The following PRUNE2 variants were observed in gnomAD, a reference collection of about 807,000 sequenced individuals.
The protein encoded by PRUNE2 is prune homolog 2 with BCH domain.
A neutral mutation model predicts 252.0 loss-of-function variants in PRUNE2; 164 were observed. The observed-to-expected ratio is 0.65, with a 90% CI of 0.57 to 0.74. PRUNE2 has a LOEUF of 0.74. Among genes scored for constraint, PRUNE2 ranks in the 30% least tolerant of loss-of-function variants. PRUNE2 has a pLI of 0.00. For synonymous variants in PRUNE2, 1,292 were observed against 1,350.2 expected (o/e 0.96, Z 0.94); for missense variants, 3,495 against 3,711.0 (o/e 0.94, Z 1.51).
intron 1 of PRUNE2, among the ~76,000 whole-genome samples, chr9:76,873,607 C>T (rs1385693725): frequency 6.6e-6 from 1 of 152,130 alleles, no homozygotes; most frequent in Admixed American, 6.6e-5. Context: ...AGCGCGTCTT[C>T]CTCTCAAGCA....
intron 6 of PRUNE2, among the ~76,000 whole-genome samples, chr9:76,795,603 G>C (rs1392954352): frequency 6.6e-6 from 1 of 152,156 alleles, no homozygotes; most frequent in African/African-American, 2.4e-5. Flanking sequence ...CTGCCTTATG[G>C]TTTCTTGTAC....
intron 6 of PRUNE2, among the ~76,000 whole-genome samples, chr9:76,734,168 C>T (rs749110127): frequency 6.6e-6 from 1 of 152,034 alleles, no homozygotes; most frequent in Non-Finnish European, 1.5e-5. Context: ...GGAGGTTCCA[C>T]AGAAGATCTC....
intron 6 of PRUNE2, among the ~76,000 whole-genome samples, chr9:76,780,678 A>C (rs958832863): frequency 6.6e-6 from 1 of 152,126 alleles, no homozygotes; most frequent in Admixed American, 6.5e-5. Flanking sequence ...GCGACAGAGC[A>C]AGACTCCGTC....
intron 12 of PRUNE2, among the ~76,000 whole-genome samples, chr9:76,639,570 G>C (rs1412907243): frequency 6.6e-6 from 1 of 152,170 alleles, no homozygotes; most frequent in African/African-American, 2.4e-5. Flanking sequence ...TTAGAGTTCT[G>C]AGAAAATTAA....
At chr9:76,848,206 G>A (rs2059771428) in intron 3 of PRUNE2, among the ~76,000 whole-genome samples, 1 of 152,182 alleles carries the variant, frequency 6.6e-6, no homozygotes, top group Non-Finnish European at 1.5e-5. Flanking sequence ...GGAGGCTGCA[G>A]TGAGCTGAGA....
intron 6 of PRUNE2, among the ~76,000 whole-genome samples, chr9:76,745,676 A>C (rs771224212): frequency 6.6e-5 from 10 of 152,200 alleles, no homozygotes; most frequent in Non-Finnish European, 1.2e-4. Flanking sequence ...TTTGAGTAAC[A>C]GTAAAACTCT....
chr9:76,877,330 C>T (rs1221971736), intron 1 of PRUNE2, among the ~76,000 whole-genome samples: 1 of 152,044 alleles, frequency 6.6e-6, no homozygotes, highest in African/African-American at 2.4e-5. Flanking sequence ...CATGGCGAAA[C>T]CCCATCTCTA....
chr9:76,729,853 A>G (rs1356858635), intron 6 of PRUNE2, among the ~76,000 whole-genome samples: 1 of 152,144 alleles, frequency 6.6e-6, no homozygotes, highest in African/African-American at 2.4e-5. Context: ...TCCATTTCTA[A>G]TTTCAATTTC....
Position 76,708,110 on chromosome 9 carries a change from G to A in PRUNE2, c.4164C>T (p.Val1388=), listed in dbSNP as rs1433692698. The A allele has an allele frequency of 1.9e-6, 3 of 1,613,950 alleles. No individual in the cohort carries two copies. Among genetic ancestry groups the A allele is most frequent in the Non-Finnish European group, 2.5e-6 (3 of 1,179,880 alleles). The change falls in exon 8 of 19, where the codon GTC becomes GTT. Residue 1388 remains valine (V), a synonymous_variant. Transcript: ENST00000376718. ...IKSGKISSLA[V]TFSPQTEEPE... is the part of the protein sequence containing the mutation. ...GTTCCTCGGTTTGAGGACTGAAAGT[G>A]ACAGCAAGAGAGCTGATTTTGCCTG...
At chr9:76,661,692 T>C (rs565107830) in intron 9 of PRUNE2, among the ~76,000 whole-genome samples, 3 of 152,326 alleles carry the variant, frequency 2.0e-5, no homozygotes, top group African/African-American at 4.8e-5. Context: ...AGCCTCAAAA[T>C]ATGTAAAACA....
intron 9 of PRUNE2, among the ~76,000 whole-genome samples, chr9:76,682,480 G>A (rs374558603): frequency 6.6e-6 from 1 of 150,896 alleles, no homozygotes; most frequent in East Asian, 2.0e-4. Context: ...TCCTACCTCA[G>A]CCTCCCAAGT....
intron 9 of PRUNE2, among the ~76,000 whole-genome samples, chr9:76,698,726 C>G (rs1457159553): frequency 6.6e-6 from 1 of 152,168 alleles, no homozygotes; most frequent in Non-Finnish European, 1.5e-5. Flanking sequence ...CAGAAAAAGT[C>G]TGACTTCACG....
chr9:76,823,861 A>AAC (rs113326644), intron 5 of PRUNE2, 135 bp from the exon 6 acceptor site: 39,612 of 602,464 alleles, frequency 0.066, 781 homozygotes, highest in Non-Finnish European at 0.079. Context: ...ATCCACAATA[A>AAC]ACACACACAC....
intron 6 of PRUNE2, among the ~76,000 whole-genome samples, chr9:76,775,260 G>A (rs2053607140): frequency 6.6e-6 from 1 of 152,094 alleles, no homozygotes; most frequent in Non-Finnish European, 1.5e-5. Flanking sequence ...TCTTTGCAAT[G>A]ACAAAGAGGA....
intron 1 of PRUNE2, among the ~76,000 whole-genome samples, chr9:76,891,219 G>A (rs755444747): frequency 1.3e-4 from 20 of 152,340 alleles, no homozygotes; most frequent in Non-Finnish European, 2.8e-4. Context: ...AGAAACAGCT[G>A]AGAATGAGGA....
At chr9:76,810,371 T>G (rs540723210) in intron 6 of PRUNE2, among the ~76,000 whole-genome samples, 3 of 152,370 alleles carry the variant, frequency 2.0e-5, no homozygotes, top group Non-Finnish European at 4.4e-5. Context: ...CAATGAGTGT[T>G]GGCTACTATT....
At chr9:76,625,416 T>C (rs1486857485) in intron 16 of PRUNE2, among the ~76,000 whole-genome samples, 1 of 152,066 alleles carries the variant, frequency 6.6e-6, no homozygotes, top group African/African-American at 2.4e-5. Context: ...ATCGGGGTGG[T>C]TTGTATAAGT....
intron 16 of PRUNE2, among the ~76,000 whole-genome samples, chr9:76,626,107 A>C: frequency 6.6e-6 from 1 of 152,252 alleles, no homozygotes; most frequent in East Asian, 1.9e-4. Flanking sequence ...TTGATTGATG[A>C]AAACATTGTG....
At chr9:76,644,088 C>T (rs370650424) in intron 12 of PRUNE2, among the ~76,000 whole-genome samples, 31 of 152,190 alleles carry the variant, frequency 2.0e-4, no homozygotes, top group East Asian at 1.9e-3. Context: ...CTTTTTGTGA[C>T]TCCCAAATTA....
Sources: gnomAD v4.1 joint callset for allele counts (sites outside exome capture counted in the v4.1 genomes callset) on GRCh38, gnomAD v4.1.1 for gene constraint, MANE v1.5 for transcripts, NCBI Gene and HGNC (gene_info 2026-07-23, HGNC 2026-07-21) for gene names.